GNAT3: variants seen among roughly 807,000 people sequenced by gnomAD.
GNAT3 encodes guanine nucleotide-binding protein G(t) subunit alpha-3.
GNAT3 carries 31 observed loss-of-function variants against 37.7 expected under a neutral mutation model. The ratio of observed to expected loss-of-function variants is 0.82; its 90% confidence interval spans 0.62 to 1.11. The LOEUF is 1.11. GNAT3 is among the 50% of genes most tolerant of loss of function. The pLI, the probability that GNAT3 is intolerant of heterozygous loss-of-function variation, is 0.00. For synonymous variants in GNAT3, 138 were observed against 139.8 expected, an observed-to-expected ratio of 0.99 and a Z score of 0.09; for missense variants, 437 against 412.5, an observed-to-expected ratio of 1.06 and a Z score of -0.51.
chr7:80,509,474 A>ATTAGTTTCCC (rs1791014612), intron 1 of GNAT3, among the ~76,000 whole-genome samples: 1 of 152,154 alleles, frequency 6.6e-6, no homozygotes, highest in Non-Finnish European at 1.5e-5. Flanking sequence ...TGTATGTATA[A>ATTAGTTTCCC]AATTGTAAAC....
At chr7:80,476,436 C>G (rs1790302837) in intron 4 of GNAT3, among the ~76,000 whole-genome samples, 1 of 146,204 alleles carries the variant, frequency 6.8e-6, no homozygotes, top group Non-Finnish European at 1.5e-5. Context: ...TAAAGGCACA[C>G]TAGATGGCTG....
intron 4 of GNAT3, among the ~76,000 whole-genome samples, chr7:80,478,356 G>C (rs748500596): frequency 5.9e-5 from 9 of 152,168 alleles, no homozygotes; most frequent in Non-Finnish European, 1.3e-4. Context: ...GAATCTCCTA[G>C]TATACAAGTA....
intron 1 of GNAT3, among the ~76,000 whole-genome samples, chr7:80,507,641 T>C (rs1321331394): frequency 3.9e-5 from 6 of 152,000 alleles, no homozygotes; most frequent in Non-Finnish European, 8.8e-5. Flanking sequence ...TATTAATAAA[T>C]CAATTTCCAC....
chr7:80,479,817 T>G (rs1201483125), intron 3 of GNAT3, among the ~76,000 whole-genome samples: 2 of 152,094 alleles, frequency 1.3e-5, no homozygotes, highest in Non-Finnish European at 2.9e-5. Flanking sequence ...GTCATCGGGT[T>G]ACTGCCTCGT....
intron 1 of GNAT3, among the ~76,000 whole-genome samples, chr7:80,498,515 T>C (rs956300080): frequency 6.6e-6 from 1 of 152,198 alleles, no homozygotes; most frequent in Non-Finnish European, 1.5e-5. Context: ...GCCTATCTAC[T>C]TAAAATCTCA....
chr7:80,499,789 ATC>A (rs138067353), intron 1 of GNAT3, among the ~76,000 whole-genome samples: 10,889 of 152,170 alleles, frequency 0.072, 941 homozygotes, highest in African/African-American at 0.2. Context: ...GCTTGCACTC[ATC>A]TCTGACTGTG....
At chr7:80,497,907 T>C (rs1790764321) in intron 1 of GNAT3, among the ~76,000 whole-genome samples, 1 of 152,080 alleles carries the variant, frequency 6.6e-6, no homozygotes, top group South Asian at 2.1e-4. Context: ...TTTAGACCAC[T>C]TTCTTTTAAA....
intron 3 of GNAT3, among the ~76,000 whole-genome samples, chr7:80,488,201 A>T (rs1790525081): frequency 1.3e-5 from 2 of 152,144 alleles, no homozygotes; most frequent in South Asian, 4.1e-4. Context: ...TAAAAAAATT[A>T]ATGTAGAGAT....
At chr7:80,470,935 T>C (rs1210361007) in intron 5 of GNAT3, among the ~76,000 whole-genome samples, 4 of 151,624 alleles carry the variant, frequency 2.6e-5, no homozygotes, top group Non-Finnish European at 4.4e-5. Context: ...TGTGAGGGTG[T>C]TGCCAAAGGA....
chr7:80,503,561 A>T lies in GNAT3; in HGVS notation c.118+8248T>A, dbSNP rs183810517. ...AGAGAAAAATATGAGATTTATGCCA[A>T]TAGAGATAGAGCTAAAACTAAATCT... On this transcript the variant is annotated intron_variant, in intron 1 of 7. Coordinates refer to ENST00000398291, the MANE Select transcript of GNAT3 (RefSeq NM_001102386.3). 1.1e-4 allele frequency among the ~76,000 whole-genome samples: 16 copies of T among 152,340 alleles called. 1 individual carries two copies. The East Asian group carries it at 3.1e-3, about 29-fold the overall frequency.
chr7:80,461,116 A>G, intron 7 of GNAT3, among the ~76,000 whole-genome samples: 1 of 151,688 alleles, frequency 6.6e-6, no homozygotes, highest in East Asian at 1.9e-4. Flanking sequence ...AAATATTTAT[A>G]ATTATAGAAA....
intron 5 of GNAT3, among the ~76,000 whole-genome samples, chr7:80,471,858 T>C (rs777890187): frequency 6.6e-6 from 1 of 152,052 alleles, no homozygotes; most frequent in Non-Finnish European, 1.5e-5. Flanking sequence ...ATAACCAAGA[T>C]TGCTTATCCT....
chr7:80,481,841 G>A (rs1790396593), intron 3 of GNAT3, among the ~76,000 whole-genome samples: 1 of 152,040 alleles, frequency 6.6e-6, no homozygotes, highest in Admixed American at 6.6e-5. Context: ...ACTGATTCTA[G>A]GCCTTTAGAC....
intron 5 of GNAT3, among the ~76,000 whole-genome samples, chr7:80,469,023 T>C (rs1790167060): frequency 6.6e-6 from 1 of 152,244 alleles, no homozygotes; most frequent in East Asian, 1.9e-4. Flanking sequence ...ATATGAGTTA[T>C]TGCTCTATGA....
chr7:80,492,383 A>T (rs1366469749), intron 2 of GNAT3, among the ~76,000 whole-genome samples: 2 of 151,398 alleles, frequency 1.3e-5, no homozygotes, highest in African/African-American at 4.9e-5. Flanking sequence ...TAAAATAAAA[A>T]ATAAAATGTT....
In GNAT3 at chr7:80,496,382, C is replaced by T. The variant is rs542390076; in HGVS notation, c.119-1735G>A. ...TTGGCCTCAAGTGATCTGCCTGCCT[C>T]GGCCTCCCAAAGTGCTGGGATTGTA... On this transcript the variant is annotated intron_variant, in intron 1 of 7. Coordinates refer to ENST00000398291, the MANE Select transcript of GNAT3 (RefSeq NM_001102386.3). Among the ~76,000 whole-genome samples the T allele has an allele frequency of 7.9e-5, 12 of 152,238 alleles. No homozygotes were observed. In the South Asian group the frequency reaches 2.1e-3, roughly 26 times the overall value.
At chr7:80,473,143 C>A (rs1052812923) in intron 5 of GNAT3, among the ~76,000 whole-genome samples, 2 of 152,286 alleles carry the variant, frequency 1.3e-5, no homozygotes, top group African/African-American at 2.4e-5. Flanking sequence ...TGACGACAAA[C>A]TTTTCCTACA....
intron 2 of GNAT3, among the ~76,000 whole-genome samples, chr7:80,491,981 A>T (rs1163058893): frequency 6.6e-6 from 1 of 152,164 alleles, no homozygotes; most frequent in Non-Finnish European, 1.5e-5. Context: ...TTATTTGAAT[A>T]CTGGTAAATG....
Position 80,458,702 on chromosome 7 carries a change from T to A in GNAT3, c.1034A>T (p.Lys345Ile). The A allele has an allele frequency of 6.3e-7, 1 of 1,584,454 alleles. No homozygotes were observed. Among genetic ancestry groups the A allele is most frequent in the Non-Finnish European group, 8.6e-7 (1 of 1,166,180 alleles). ...VFDAVTDIII[K>I]ENLKDCGLF Reference sequence around the variant, plus strand: ...AAGCCCACAGTCTTTTAGATTCTCTTTGATTATTATATCTGTAACTGCGTC... The same window carrying A: ...AAGCCCACAGTCTTTTAGATTCTCTATGATTATTATATCTGTAACTGCGTC... The change falls in exon 8 of 8, where the codon AAA (lysine) becomes ATA (isoleucine). Residue 345 changes from lysine (K) to isoleucine (I), a missense_variant. Coordinates refer to ENST00000398291, the MANE Select transcript of GNAT3 (RefSeq NM_001102386.3).
Sources: allele counts gnomAD v4.1 joint callset (sites outside exome capture counted in the v4.1 genomes callset), GRCh38; gene constraint gnomAD v4.1.1; transcripts MANE v1.5; gene names NCBI Gene and HGNC (gene_info 2026-07-23, HGNC 2026-07-21).